EPB42: variants seen among roughly 807,000 people sequenced by gnomAD.
EPB42 encodes erythrocyte membrane protein band 4.2.
In EPB42, 49 loss-of-function variants were observed where a neutral mutation model predicts 76.9. The ratio of observed to expected loss-of-function variants is 0.64; its 90% CI spans 0.51 to 0.81. The LOEUF (loss-of-function observed/expected upper bound fraction) is 0.81, where lower values mean the gene tolerates loss of function less well. Among genes scored for constraint, EPB42 ranks in the 30% least tolerant of loss-of-function variants. EPB42 has a pLI of 0.00. For synonymous variants in EPB42, 310 were observed against 338.4 expected (o/e 0.92, Z 0.92); for missense variants, 731 against 867.6 (o/e 0.84, Z 1.98).
chr15:43,225,148 T>C (rs2042496900), upstream of EPB42, among the ~76,000 whole-genome samples: 1 of 152,338 alleles, frequency 6.6e-6, no homozygotes, highest in South Asian at 2.1e-4. Flanking sequence ...GTAAAGGGTA[T>C]GTGTGCGTGG....
intron 7 of EPB42, 120 bp downstream of exon 7, chr15:43,208,517 G>A (rs2042241352): frequency 2.0e-6 from 3 of 1,525,836 alleles, no homozygotes; most frequent in Non-Finnish European, 2.7e-6. Flanking sequence ...CGCCTCTAAG[G>A]GTCTTGAAAG....
intron 11 of EPB42, 87 bp downstream of exon 11, chr15:43,203,028 T>C (rs962257964): frequency 1.3e-6 from 2 of 1,509,674 alleles, no homozygotes; most frequent in African/African-American, 2.7e-5. Flanking sequence ...AGCACAGTCA[T>C]CTGCTCTGAA....
chr15:43,203,423 A>C, intron 10 of EPB42, 148 bp from the exon 11 acceptor site: 3 of 1,038,934 alleles, frequency 2.9e-6, no homozygotes, highest in Non-Finnish European at 4.4e-6. Context: ...CTTGGAACTC[A>C]CTCAAGACCT....
At chr15:43,223,883 A>C (rs976695931), upstream of EPB42, among the ~76,000 whole-genome samples, 39 of 152,330 alleles carry the variant, frequency 2.6e-4, no homozygotes, top group African/African-American at 8.2e-4. Context: ...CTGAGACATG[A>C]AAATCGCTTG....
intron 8 of EPB42, among the ~76,000 whole-genome samples, 159 bp from the exon 9 acceptor site, chr15:43,207,600 G>A (rs915976786): frequency 1.3e-5 from 2 of 152,250 alleles, no homozygotes; most frequent in Non-Finnish European, 2.9e-5. Flanking sequence ...GAGTCACAGA[G>A]GTGAAACTAT....
chr15:43,204,969 C>CG (rs1055917452), intron 10 of EPB42, among the ~76,000 whole-genome samples: 9 of 142,652 alleles, frequency 6.3e-5, no homozygotes, highest in Non-Finnish European at 1.1e-4. Context: ...CCTCCGCCCC[C>CG]CCCCCAAAAA....
At chr15:43,218,227 G>C (rs188600557) in intron 1 of EPB42, among the ~76,000 whole-genome samples, 220 of 152,318 alleles carry the variant, frequency 1.4e-3, no homozygotes, top group Non-Finnish European at 2.7e-3. Context: ...GGTTGAGTTG[G>C]ATTGGATGGT....
At chr15:43,210,246 G>T in intron 5 of EPB42, 89 bp downstream of exon 5, 2 of 1,153,410 alleles carry the variant, frequency 1.7e-6, no homozygotes, top group South Asian at 1.2e-5. Context: ...GTGATTTGGG[G>T]GTTTCTGAGG....
chr15:43,204,450 G>A (rs768959350), intron 10 of EPB42, among the ~76,000 whole-genome samples: 15 of 152,068 alleles, frequency 9.9e-5, no homozygotes, highest in Admixed American at 6.5e-4. Flanking sequence ...GGATTTCCAC[G>A]TCTGAGCTCC....
chr15:43,198,567 A>G (rs1228674821), intron 12 of EPB42, among the ~76,000 whole-genome samples: 2 of 152,214 alleles, frequency 1.3e-5, no homozygotes, highest in Non-Finnish European at 2.9e-5. Context: ...GCAGAGCGTA[A>G]AAGTTTGGAA....
chr15:43,215,376 A>G (rs1335475027), intron 2 of EPB42, 48 bp from the exon 3 acceptor site: 2 of 1,584,412 alleles, frequency 1.3e-6, no homozygotes, highest in East Asian at 2.2e-5. Context: ...CTTGGTCACA[A>G]CTCAGAGTAA....
At chr15:43,202,570 C>G (rs185818865) in intron 11 of EPB42, among the ~76,000 whole-genome samples, 1 of 152,342 alleles carries the variant, frequency 6.6e-6, no homozygotes, top group Admixed American at 6.5e-5. Flanking sequence ...AAGCACTTAT[C>G]TGGAAGACCA....
At chr15:43,221,796 A>G (rs2142335834), upstream of EPB42, among the ~76,000 whole-genome samples, 1 of 150,392 alleles carries the variant, frequency 6.6e-6, no homozygotes, top group South Asian at 2.1e-4. Flanking sequence ...TGAACTTTTG[A>G]ACTCATTTGA....
chr15:43,203,202 G>A lies in EPB42; in HGVS notation c.1692C>T (p.Leu564=). 1 of 1,614,124 alleles carries A rather than the reference G, an allele frequency of 6.2e-7. No homozygotes were observed. The highest frequency in any genetic ancestry group is 8.5e-7 in the Non-Finnish European group (1 of 1,180,022). Residue 564 remains leucine (L), a synonymous_variant, in exon 11 of 13, where the codon CTC becomes CTT. Coordinates refer to ENST00000441366, the MANE Select transcript of EPB42 (RefSeq NM_001114134.2). ...RNPPENTFLR[L]TAMATHSESN... is the part of the protein sequence containing the mutation. ...ATTCAGAGTGTGTTGCCATGGCGGT[G>A]AGTCTAAGGAAGGTGTTCTCGGGTG...
At chr15:43,204,974 C>CCCCA (rs71111806) in intron 10 of EPB42, among the ~76,000 whole-genome samples, 23 of 145,130 alleles carry the variant, frequency 1.6e-4, no homozygotes, top group African/African-American at 5.5e-4. Context: ...GCCCCCCCCC[C>CCCCA]AAAAAAAAGT....
intron 10 of EPB42, among the ~76,000 whole-genome samples, chr15:43,205,726 C>A (rs142031360): frequency 6.6e-6 from 1 of 152,188 alleles, no homozygotes; most frequent in East Asian, 1.9e-4. Context: ...ATTTAATTGG[C>A]CTGAGATGCA....
Position 43,211,416 on chromosome 15 carries a change from C to T in EPB42, c.549G>A (p.Gln183=). Reference sequence around the variant, plus strand: ...CTCCTCCCCTAGAGGGCCCTGGTACCTGGCCAAAGTCCCAGGACTCTGCCT... The same window carrying T: ...CTCCTCCCCTAGAGGGCCCTGGTACTTGGCCAAAGTCCCAGGACTCTGCCT... ...CIQAESWDFG[Q]FEGDVIDLSL... is the part of the protein sequence containing the mutation. The change falls in exon 4 of 13, where the codon CAG becomes CAA. Residue 183 remains glutamine (Q), a splice_region_variant and synonymous_variant. Transcript: ENST00000441366. 1 of 1,600,854 alleles carries T rather than the reference C, an allele frequency of 6.2e-7. No individual in the cohort carries two copies. The highest frequency in any genetic ancestry group is 1.3e-5 in the African/African-American group (1 of 74,756).
chr15:43,210,474 C>G (rs775004681), intron 4 of EPB42, 35 bp from the exon 5 acceptor site: 1 of 1,592,356 alleles, frequency 6.3e-7, no homozygotes, highest in South Asian at 1.1e-5. Flanking sequence ...GATGAAGGGT[C>G]CCCACACAGG....
In EPB42 at chr15:43,206,511, C is replaced by G; in HGVS notation, c.1437G>C (p.Leu479Phe). The G allele has an allele frequency of 6.2e-7, 1 of 1,614,072 alleles. No individual in the cohort carries two copies. The highest frequency in any genetic ancestry group is 8.5e-7 in the Non-Finnish European group (1 of 1,179,922). Residue 479 changes from leucine to phenylalanine, a missense_variant, in exon 10 of 13, where the codon TTG becomes TTC. Transcript: ENST00000441366. This position sits in a 1 kb window ranked among gnomAD's most constrained non-coding sequence, Gnocchi z 4.7. ...TCAGGGGTAGGGAGCTGGGTGCTTTCAAGAGCAGGTACAGAGGACTGGCAG... is the reference window on the plus strand; with the variant it reads ...TCAGGGGTAGGGAGCTGGGTGCTTTGAAGAGCAGGTACAGAGGACTGGCAG... Reference protein sequence around the residue: ...LETASPLYLLLKAPSSLPLRG... With the variant: ...LETASPLYLLFKAPSSLPLRG...
Sources: allele counts gnomAD v4.1 joint callset (sites outside exome capture counted in the v4.1 genomes callset), GRCh38; gene constraint gnomAD v4.1.1; non-coding constraint Gnocchi (gnomAD v3.1); transcripts MANE v1.5; gene names NCBI Gene and HGNC (gene_info 2026-07-23, HGNC 2026-07-21).